Variants in DIP2C observed in about 807,000 individuals in gnomAD.
DIP2C encodes disco-interacting protein 2 homolog C.
In DIP2C, 33 loss-of-function variants were observed where a neutral mutation model predicts 192.4. That is an observed-to-expected ratio of 0.17 (90% CI 0.13 to 0.23). DIP2C has a LOEUF of 0.23. DIP2C is among the 10% of genes least tolerant of loss of function. The probability of loss-of-function intolerance (pLI) is 1.00; values close to 1 mark genes in which losing one functional copy is unlikely to be tolerated. For synonymous variants in DIP2C, 979 were observed against 864.1 expected (o/e 1.13, Z -2.33); for missense variants, 1,537 against 2,110.1 (o/e 0.73, Z 5.32).
intron 1 of DIP2C, among the ~76,000 whole-genome samples, chr10:554,508 ATAACT>A (rs372015168): frequency 2.0e-4 from 30 of 152,362 alleles, no homozygotes; most frequent in African/African-American, 6.7e-4. Context: ...AAGTTATAAA[ATAACT>A]TAAATACTTC....
intron 9 of DIP2C, among the ~76,000 whole-genome samples, chr10:407,503 T>A (rs1589722783): frequency 6.6e-6 from 1 of 152,218 alleles, no homozygotes. Flanking sequence ...TTTGAGGGAC[T>A]GTCACGTTTT....
At chr10:458,032 G>A (rs1336112623) in intron 3 of DIP2C, among the ~76,000 whole-genome samples, 1 of 152,174 alleles carries the variant, frequency 6.6e-6, no homozygotes, top group Non-Finnish European at 1.5e-5. Flanking sequence ...GCCCGAAAGT[G>A]CAGTGATGAA....
intron 31 of DIP2C, among the ~76,000 whole-genome samples, chr10:326,750 C>T (rs926674156): frequency 1.3e-5 from 2 of 152,230 alleles, no homozygotes; most frequent in East Asian, 3.8e-4. Context: ...TCTGGACAAA[C>T]TGCTACCCCT....
intron 1 of DIP2C, among the ~76,000 whole-genome samples, chr10:494,184 T>G (rs574043440): frequency 6.6e-6 from 1 of 152,142 alleles, no homozygotes; most frequent in African/African-American, 2.4e-5. Flanking sequence ...ACAAGAGAAC[T>G]GCTAAGGCTA....
intron 1 of DIP2C, among the ~76,000 whole-genome samples, chr10:579,604 A>G (rs142163965): frequency 2.5e-3 from 388 of 152,206 alleles, no homozygotes; most frequent in Non-Finnish European, 4.5e-3. Flanking sequence ...ACACATCCAA[A>G]TAGTGTACAA....
intron 1 of DIP2C, among the ~76,000 whole-genome samples, chr10:658,114 C>CCCCTGGACCTGCCGCTGGACCTGT: frequency 6.7e-6 from 1 of 148,692 alleles, no homozygotes; most frequent in East Asian, 2.0e-4. Flanking sequence ...CCTGGACCTG[C>CCCCTGGACCTGCCGCTGGACCTGT]CCCTGGACCT....
At position 422,816 on chromosome 10, in the gene DIP2C, G is replaced by A. The variant is rs75592757; in HGVS notation, c.604+8C>T. The A allele has an allele frequency of 1.3e-4, 212 of 1,609,448 alleles. 1 individual carries two copies. In the African/African-American group the frequency reaches 2.1e-3, roughly 16 times the overall value. The stretch of plus-strand genomic sequence containing the variant: ...CAGGCACAGAAAGACACCGTGAAGC[G>A]TGCTCACCTATGTGGGTCTGAGCCA... On this transcript the variant is annotated splice_region_variant and intron_variant, in intron 5 of 36. Coordinates refer to ENST00000280886, the MANE Select transcript of DIP2C (RefSeq NM_014974.3).
chr10:663,217 A>C, intron 1 of DIP2C: 1 of 341,056 alleles, frequency 2.9e-6, no homozygotes, highest in East Asian at 4.6e-5. Flanking sequence ...CAAGAAAGCA[A>C]GGATGCCAAC....
intron 32 of DIP2C, among the ~76,000 whole-genome samples, chr10:300,396 G>A (rs1288288336): frequency 6.6e-6 from 1 of 152,204 alleles, no homozygotes; most frequent in Non-Finnish European, 1.5e-5. Flanking sequence ...GTCACGAAAA[G>A]ACAAATACCA....
chr10:662,282 C>T (rs1257865839), intron 1 of DIP2C, among the ~76,000 whole-genome samples: 2 of 152,232 alleles, frequency 1.3e-5, no homozygotes, highest in Admixed American at 6.5e-5. Flanking sequence ...ACTTTCCAAA[C>T]GCTAAGTGAA....
chr10:408,726 T>TG (rs1306318889), intron 9 of DIP2C, among the ~76,000 whole-genome samples, 200 bp downstream of exon 9: 1 of 152,314 alleles, frequency 6.6e-6, no homozygotes, highest in Non-Finnish European at 1.5e-5. Flanking sequence ...GACCATTACC[T>TG]GCTCAGGATG....
chr10:663,475 C>A (rs1856884384), intron 1 of DIP2C: 1 of 152,278 alleles, frequency 6.6e-6, no homozygotes, highest in Admixed American at 6.5e-5. Flanking sequence ...TGGAACACAG[C>A]AGAAATTCCA....
At chr10:375,515 C>A (rs532787615) in intron 17 of DIP2C, among the ~76,000 whole-genome samples, 24 of 152,300 alleles carry the variant, frequency 1.6e-4, no homozygotes, top group African/African-American at 5.3e-4. Context: ...GCAGGCCAGA[C>A]CTTGCAATGT....
intron 2 of DIP2C, among the ~76,000 whole-genome samples, chr10:476,367 A>G (rs1049956723): frequency 2.6e-5 from 4 of 152,092 alleles, no homozygotes; most frequent in African/African-American, 9.7e-5. Context: ...GGCTCCTGTC[A>G]TTCTGTGGGA....
chr10:555,073 ACTAATT>A (rs1323176427), intron 1 of DIP2C, among the ~76,000 whole-genome samples: 85 of 152,340 alleles, frequency 5.6e-4, no homozygotes, highest in African/African-American at 1.5e-3. Context: ...GTTTATCACA[ACTAATT>A]CTAATTCCAA....
chr10:534,672 T>TTA (rs1847595999), intron 1 of DIP2C, among the ~76,000 whole-genome samples: 2 of 76,246 alleles, frequency 2.6e-5, no homozygotes, highest in Admixed American at 1.5e-4. Context: ...ATGATTATTA[T>TTA]TTTTTTTTTT....
intron 29 of DIP2C, among the ~76,000 whole-genome samples, chr10:333,582 C>A (rs1239909439): frequency 6.6e-6 from 1 of 152,202 alleles, no homozygotes; most frequent in African/African-American, 2.4e-5. Context: ...TTGTGTTGAC[C>A]GAGGTTCCAG....
chr10:378,708 TATGCACAGACACGTGAACAGAC>T (rs1961972539), intron 17 of DIP2C, among the ~76,000 whole-genome samples: 1 of 150,304 alleles, frequency 6.7e-6, no homozygotes, highest in African/African-American at 2.5e-5. Flanking sequence ...CATGAACAGA[TATGCACAGACACGTGAACAGAC>T]ATGCATAAAG....
chr10:501,551 G>C (rs1467285101), intron 1 of DIP2C, among the ~76,000 whole-genome samples: 1 of 151,976 alleles, frequency 6.6e-6, no homozygotes, highest in African/African-American at 2.4e-5. Context: ...GAGAATATCT[G>C]ATCAGAAAGA....
Sources: gnomAD v4.1 joint callset for allele counts (sites outside exome capture counted in the v4.1 genomes callset) on GRCh38, gnomAD v4.1.1 for gene constraint, MANE v1.5 for transcripts, NCBI Gene and HGNC (gene_info 2026-07-23, HGNC 2026-07-21) for gene names.